Variants in NUP85 observed in about 807,000 individuals in gnomAD.
The protein encoded by NUP85 is nucleoporin 85, also known as nuclear pore complex protein Nup85.
A neutral mutation model predicts 92.8 loss-of-function variants in NUP85; 23 were observed. The observed-to-expected ratio is 0.25, with a 90% confidence interval of 0.18 to 0.35. The LOEUF is 0.35. NUP85 is among the 10% of genes least tolerant of loss of function. NUP85 has a pLI of 1.00. For synonymous variants in NUP85, 314 were observed against 306.9 expected, an observed-to-expected ratio of 1.02 and a Z score of -0.24; for missense variants, 759 against 822.8, an observed-to-expected ratio of 0.92 and a Z score of 0.95.
At chr17:75,230,082 C>T (rs1413514186) in intron 11 of NUP85, among the ~76,000 whole-genome samples, 1 of 146,272 alleles carries the variant, frequency 6.8e-6, no homozygotes, top group Non-Finnish European at 1.5e-5. Flanking sequence ...CTTGCCCTGT[C>T]ACTCAGGCTG....
At chr17:75,233,989 C>T (rs1490370108) in intron 16 of NUP85, among the ~76,000 whole-genome samples, 1 of 151,964 alleles carries the variant, frequency 6.6e-6, no homozygotes. Context: ...CCGCCTCGGC[C>T]TCCCAAAGTG....
chr17:75,212,244 GTTGTTTTTTTTTTTTTTTTTTTT>G (rs1568069654), intron 4 of NUP85, among the ~76,000 whole-genome samples, 182 bp downstream of exon 4: 22 of 2,678 alleles, frequency 8.2e-3, no homozygotes, highest in African/African-American at 0.012. Flanking sequence ...TTTTTTTGTT[GTTGTTTTTTTTTTTTTTTTTTTT>G]TTTTTTTTTT....
At chr17:75,212,241 GT>G (rs201876695) in intron 4 of NUP85, among the ~76,000 whole-genome samples, 179 bp downstream of exon 4, 30 of 2,758 alleles carry the variant, frequency 0.011, 3 homozygotes, top group African/African-American at 0.015. Context: ...TTTTTTTTTT[GT>G]TGTTGTTTTT....
Position 75,231,704 on chromosome 17 carries a change from T to A in NUP85, c.1244+66T>A. The stretch of plus-strand genomic sequence containing the variant: ...TCAGCATGCGGGTGCCATTGGAGCT[T>A]GGACTGTTCTCTCCCAGTTGGCTCC... On this transcript the variant is annotated intron_variant, in intron 13 of 18. Coordinates refer to ENST00000245544, the MANE Select transcript of NUP85 (RefSeq NM_024844.5). The surrounding 1 kb of genome is among the most constrained non-coding windows in gnomAD (Gnocchi z 4.6). 6.2e-7 allele frequency: 1 copy of A among 1,605,938 alleles called. No individual in the cohort carries two copies. The highest frequency in any genetic ancestry group is 1.1e-5 in the South Asian group (1 of 90,882).
At chr17:75,232,726 T>G in intron 14 of NUP85, 125 bp from the exon 15 acceptor site, 1 of 819,806 alleles carries the variant, frequency 1.2e-6, no homozygotes, top group Non-Finnish European at 2.1e-6. Flanking sequence ...TCCAGCTGCA[T>G]TTAGAGCCCA....
At chr17:75,208,762 A>T in intron 2 of NUP85, 142 bp downstream of exon 2, 1 of 672,126 alleles carries the variant, frequency 1.5e-6, no homozygotes, top group Non-Finnish European at 2.6e-6. Flanking sequence ...TGTTTTCAAG[A>T]TACAACAGGG....
chr17:75,207,359 T>G (rs1222853363), intron 1 of NUP85, among the ~76,000 whole-genome samples: 1 of 151,678 alleles, frequency 6.6e-6, no homozygotes, highest in Non-Finnish European at 1.5e-5. Flanking sequence ...AATTTTGTAT[T>G]TTTTTAGTAG....
At position 75,218,811 on chromosome 17, in the gene NUP85, G is replaced by A. The variant is rs186591521; in HGVS notation, c.597+505G>A. 7.2e-5 allele frequency among the ~76,000 whole-genome samples: 11 copies of A among 152,174 alleles called. No homozygotes were observed. In the East Asian group the frequency reaches 2.1e-3, roughly 29 times the overall value. ...ACTCTGTTCCCCAGGCTGTTGTGCA[G>A]TGGCCTGATCTTGCTCACTGCAACC... On this transcript the variant is annotated intron_variant, in intron 7 of 18. Coordinates refer to ENST00000245544, the MANE Select transcript of NUP85 (RefSeq NM_024844.5).
intron 7 of NUP85, among the ~76,000 whole-genome samples, chr17:75,222,675 C>T (rs184449032): frequency 1.2e-4 from 18 of 151,796 alleles, no homozygotes; most frequent in Admixed American, 2.6e-4. Context: ...AATATATAAC[C>T]GATCACTTGT....
intron 6 of NUP85, chr17:75,216,508 G>C (rs1334153651): frequency 1.3e-5 from 2 of 152,558 alleles, no homozygotes; most frequent in Non-Finnish European, 2.9e-5. Flanking sequence ...CAGGTAATCT[G>C]CCTGCCTCGG....
At chr17:75,229,100 CT>C in intron 11 of NUP85, 1 of 985,442 alleles carries the variant, frequency 1.0e-6, no homozygotes, top group African/African-American at 1.7e-5. Context: ...TCCTGGTGCC[CT>C]TCAAGTCCTC....
intron 6 of NUP85, among the ~76,000 whole-genome samples, chr17:75,217,376 T>TTA (rs988428433): frequency 4.3e-4 from 65 of 150,156 alleles, no homozygotes; most frequent in Non-Finnish European, 8.1e-4. Flanking sequence ...ATTTTTTATT[T>TTA]TTTTTTGTAG....
intron 7 of NUP85, among the ~76,000 whole-genome samples, chr17:75,222,398 G>A (rs117948333): frequency 1.8e-4 from 27 of 151,968 alleles, no homozygotes; most frequent in Non-Finnish European, 3.7e-4. Context: ...ATGTTGACTA[G>A]GCACTTGGAT....
chr17:75,212,255 T>TTG lies in NUP85; in HGVS notation c.361+194_361+195insGT, dbSNP rs1568069698. 1.6e-3 allele frequency among the ~76,000 whole-genome samples: 6 copies of TTG among 3,694 alleles called. 1 individual carries two copies. The highest frequency in any genetic ancestry group is 2.6e-3 in the African/African-American group (6 of 2,338). The allele number at this position is 3,694 out of a possible 152,430, so 2.4% of individuals were successfully genotyped here. The stretch of plus-strand genomic sequence containing the variant: ...TTTTTTTTTTTGTTGTTGTTTTTTT[T>TTG]TTTTTTTTTTTTTTTTTTTTTTTTT... On this transcript the variant is annotated intron_variant, in intron 4 of 18. Transcript: ENST00000245544.
rs768963282 is a variant in NUP85, at chr17:75,212,228, G to GTTTTTTTTTTTTTT, written c.361+166_361+167insTTTTTTTTTTTTTT. On this transcript the variant is annotated intron_variant, in intron 4 of 18. Transcript: ENST00000245544. ...CTTACTTTTTTGGTAATCATTTAGA[G>GTTTTTTTTTTTTTT]GTTTTTTTTTTTGTTGTTGTTTTTT... is the stretch of plus-strand genomic sequence containing the variant. Among the ~76,000 whole-genome samples the GTTTTTTTTTTTTTT allele has an allele frequency of 4.7e-5, 4 of 84,564 alleles. 2 individuals are homozygous for GTTTTTTTTTTTTTT. The allele number at this position is 84,564 out of a possible 152,430, so 55.5% of individuals were successfully genotyped here.
At chr17:75,214,780 C>T (rs1374167216) in intron 5 of NUP85, among the ~76,000 whole-genome samples, 1 of 151,630 alleles carries the variant, frequency 6.6e-6, no homozygotes, top group African/African-American at 2.4e-5. Context: ...TTGCTTGAAC[C>T]CTGGAGGCAG....
At chr17:75,228,538 C>T in intron 11 of NUP85, 3 of 985,392 alleles carry the variant, frequency 3.0e-6, no homozygotes, top group Non-Finnish European at 3.6e-6. Flanking sequence ...GAAGTGTGCC[C>T]TCCTGGCTCT....
Position 75,232,894 on chromosome 17 carries a change from C to T in NUP85, c.1440C>T (p.Asn480=). The change falls in exon 15 of 19, where the codon AAC becomes AAT. Residue 480 remains asparagine (N), a synonymous_variant. Transcript: ENST00000245544. ...CKILAMKAVR[N]NRLGSALSWS... ...TCTTAGCCATGAAAGCCGTCCGCAA[C>T]AATCGCCTGGGTTCTGCCCTCTCTT... is the stretch of plus-strand genomic sequence containing the variant. 1.9e-6 allele frequency: 3 copies of T among 1,614,234 alleles called. No individual in the cohort carries two copies. Among genetic ancestry groups the T allele is most frequent in the Non-Finnish European group, 1.7e-6 (2 of 1,180,054 alleles).
intron 5 of NUP85, 27 bp from the exon 6 acceptor site, chr17:75,215,727 T>C: frequency 6.2e-7 from 1 of 1,608,670 alleles, no homozygotes; most frequent in African/African-American, 1.3e-5. Flanking sequence ...TCATTTCAGG[T>C]GAAACCTGTC....
Sources: gnomAD v4.1 joint callset for allele counts (sites outside exome capture counted in the v4.1 genomes callset) on GRCh38, gnomAD v4.1.1 for gene constraint, Gnocchi (gnomAD v3.1) non-coding constraint, MANE v1.5 for transcripts, NCBI Gene and HGNC (gene_info 2026-07-23, HGNC 2026-07-21) for gene names.